Variants in CATSPERD observed in about 807,000 individuals in gnomAD.
CATSPERD encodes the protein cation channel sperm-associated auxiliary subunit delta.
CATSPERD carries 86 observed loss-of-function variants against 98.1 expected under a neutral mutation model. That is an observed-to-expected ratio of 0.88 (90% confidence interval 0.74 to 1.05). The LOEUF is 1.05. Ranked by LOEUF, CATSPERD falls within the 50% of genes least tolerant of loss-of-function variation. CATSPERD has a pLI of 0.00. For missense variants in CATSPERD, 995 were observed against 1,005.7 expected (o/e 0.99, Z 0.14); for synonymous variants, 394 against 390.2 (o/e 1.01, Z -0.12).
intron 4 of CATSPERD, 108 bp from the exon 5 acceptor site, chr19:5,733,748 G>A (rs1455120238): frequency 1.5e-5 from 11 of 749,804 alleles, no homozygotes; most frequent in East Asian, 2.7e-5. Context: ...GGGCCACCGC[G>A]CCCGTCCATA....
intron 1 of CATSPERD, among the ~76,000 whole-genome samples, chr19:5,722,315 G>T (rs1425727158): frequency 6.6e-6 from 1 of 152,038 alleles, no homozygotes; most frequent in Non-Finnish European, 1.5e-5. Flanking sequence ...TAGAGACAGG[G>T]TTCCACCATG....
chr19:5,743,445 G>A (rs3097888), intron 7 of CATSPERD, among the ~76,000 whole-genome samples: 120,783 of 151,432 alleles, frequency 0.8, 48,341 homozygotes, highest in Admixed American at 0.87. Flanking sequence ...TAAAAAAACA[G>A]AAATTAGCCA....
At chr19:5,762,746 ATGGGTGGATGGATGGATGGATAGG>A (rs2056465488) in intron 15 of CATSPERD, among the ~76,000 whole-genome samples, 2 of 150,414 alleles carry the variant, frequency 1.3e-5, no homozygotes, top group South Asian at 4.2e-4. Context: ...AGAGAGATGG[ATGGGTGGATGGATGGATGGATAGG>A]TGGGTGGGTG....
intron 4 of CATSPERD, among the ~76,000 whole-genome samples, chr19:5,733,281 ACTGCGC>A (rs1286998600): frequency 6.7e-6 from 1 of 149,752 alleles, no homozygotes; most frequent in Non-Finnish European, 1.5e-5. Flanking sequence ...GGTGTAAGCC[ACTGCGC>A]CTGGTCTCTT....
intron 14 of CATSPERD, among the ~76,000 whole-genome samples, chr19:5,758,156 C>G (rs1024395950): frequency 6.6e-6 from 1 of 152,034 alleles, no homozygotes; most frequent in African/African-American, 2.4e-5. Flanking sequence ...CTAACCCAGC[C>G]CGGGGAGGGT....
chr19:5,732,792 C>CA, intron 4 of CATSPERD, among the ~76,000 whole-genome samples: 1 of 152,094 alleles, frequency 6.6e-6, no homozygotes, highest in Admixed American at 6.6e-5. Context: ...TCTCGTGCCT[C>CA]AGACTCCTGA....
intron 21 of CATSPERD, among the ~76,000 whole-genome samples, 169 bp from the exon 22 acceptor site, chr19:5,778,207 C>CAT (rs746328942): frequency 6.1e-5 from 5 of 82,376 alleles, no homozygotes; most frequent in African/African-American, 2.0e-4. Flanking sequence ...GACTCCGACT[C>CAT]AAAAAAAAAA....
chr19:5,751,707 C>G lies in CATSPERD; in HGVS notation c.1048C>G (p.Leu350Val). 1 of 1,613,884 alleles carries G rather than the reference C, an allele frequency of 6.2e-7. No individual in the cohort carries two copies. The highest frequency in any genetic ancestry group is 8.5e-7 in the Non-Finnish European group (1 of 1,179,934). The change falls in exon 12 of 22, where the codon CTG becomes GTG. Residue 350 changes from leucine (L) to valine (V), a missense_variant. By Grantham distance (32) the Leu-to-Val change is conservative. This residue lies in a region of CATSPERD where 762 missense variants were observed against 773.7 expected (regional missense o/e 0.98). Transcript: ENST00000381624. ...CCTGATGTTCAGGAGCCCAGGGACT[C>G]TGGAAATACTGACCCCACTGCGTGA... ...VALMFRSPGT[L>V]EILTPLRDTA...
rs780093335 is a variant in CATSPERD at position 5,733,846 on chromosome 19, T to A, written c.277-10T>A. 4.4e-6 allele frequency: 7 copies of A among 1,580,082 alleles called. No individual in the cohort carries two copies. In the African/African-American group the frequency reaches 8.2e-5, roughly 18 times the overall value. ...GCTCTCATTGATATCATCCATATGA[T>A]AACTTTTAGGTCGGCGTACCAGAAG... is the stretch of plus-strand genomic sequence containing the variant. On this transcript the variant is annotated splice_polypyrimidine_tract_variant and intron_variant, in intron 4 of 21. Coordinates refer to ENST00000381624, the MANE Select transcript of CATSPERD (RefSeq NM_152784.4).
intron 11 of CATSPERD, among the ~76,000 whole-genome samples, chr19:5,751,367 T>C (rs943442658): frequency 6.9e-6 from 1 of 145,358 alleles, no homozygotes; most frequent in Non-Finnish European, 1.5e-5. Context: ...TACTAAAAAA[T>C]ACAAAGAAAA....
chr19:5,749,330 A>G (rs574696271), intron 11 of CATSPERD, 147 bp downstream of exon 11: 6 of 437,580 alleles, frequency 1.4e-5, no homozygotes, highest in South Asian at 2.6e-5. Context: ...TGTCTCTACT[A>G]AAAATACAAA....
chr19:5,733,281 A>C (rs1364027245), intron 4 of CATSPERD, among the ~76,000 whole-genome samples: 1 of 149,752 alleles, frequency 6.7e-6, no homozygotes, highest in African/African-American at 2.5e-5. Flanking sequence ...GGTGTAAGCC[A>C]CTGCGCCTGG....
chr19:5,750,268 G>A (rs1207415888), intron 11 of CATSPERD, among the ~76,000 whole-genome samples: 1 of 148,748 alleles, frequency 6.7e-6, no homozygotes, highest in Non-Finnish European at 1.5e-5. Flanking sequence ...CTAACACGGT[G>A]AAACCCCGTC....
In CATSPERD at chr19:5,776,202, G is replaced by A; in HGVS notation, c.1983G>A (p.Leu661=). 6.2e-7 allele frequency: 1 copy of A among 1,614,216 alleles called. No homozygotes were observed. The highest frequency in any genetic ancestry group is 8.5e-7 in the Non-Finnish European group (1 of 1,180,038). The stretch of plus-strand genomic sequence containing the variant: ...ACGACCCCAACAACAATGCCCCTTT[G>A]AGGTGGCCAGACGTCCAGTATCAGA... ...SCHDPNNNAP[L]RWPDVQYQIL... Residue 661 remains leucine (L), a synonymous_variant, in exon 21 of 22, where the codon TTG becomes TTA. Transcript: ENST00000381624.
intron 20 of CATSPERD, 125 bp downstream of exon 20, chr19:5,773,090 A>C: frequency 1.0e-6 from 1 of 960,574 alleles, no homozygotes; most frequent in Non-Finnish European, 1.5e-6. Flanking sequence ...GCGGTGGCTC[A>C]CGCCTGTAAT....
chr19:5,756,067 G>T (rs2145802421), intron 13 of CATSPERD, among the ~76,000 whole-genome samples: 1 of 152,094 alleles, frequency 6.6e-6, no homozygotes, highest in East Asian at 1.9e-4. Context: ...GATTGCCTGA[G>T]GCCAGGAGTT....
intron 21 of CATSPERD, among the ~76,000 whole-genome samples, chr19:5,777,892 A>C (rs1057183335): frequency 3.3e-5 from 5 of 151,174 alleles, no homozygotes; most frequent in African/African-American, 1.2e-4. Flanking sequence ...AACAAACAAA[A>C]CAAAACAAAA....
chr19:5,753,636 G>T, intron 12 of CATSPERD: 1 of 378,030 alleles, frequency 2.6e-6, no homozygotes, highest in Non-Finnish European at 5.3e-6. Context: ...TTGGGAGGCC[G>T]AGATGGGAGG....
At chr19:5,724,152 C>G (rs977966891) in intron 1 of CATSPERD, among the ~76,000 whole-genome samples, 4 of 151,824 alleles carry the variant, frequency 2.6e-5, no homozygotes, top group Non-Finnish European at 5.9e-5. Flanking sequence ...TCTCGAACTC[C>G]TGACCTCAGC....
Sources: allele counts gnomAD v4.1 joint callset (sites outside exome capture counted in the v4.1 genomes callset), GRCh38; gene constraint gnomAD v4.1.1; regional missense constraint gnomAD v4.1.1; transcripts MANE v1.5; gene names NCBI Gene and HGNC (gene_info 2026-07-23, HGNC 2026-07-21).